The following GRTP1 variants were observed in gnomAD, a reference collection of about 807,000 sequenced individuals.
GRTP1 encodes the protein growth hormone regulated TBC protein 1.
Under a neutral mutation model 38.1 loss-of-function variants are expected in GRTP1, and 56 were observed. That is an observed-to-expected ratio of 1.47 (90% CI 1.19 to 1.84). The LOEUF (loss-of-function observed/expected upper bound fraction) is 1.84, where lower values mean the gene tolerates loss of function less well. GRTP1 is among the 40% of genes most tolerant of loss of function. The pLI is 0.00. For missense variants in GRTP1, 506 were observed against 453.9 expected, an observed-to-expected ratio of 1.11 and a Z score of -1.04; for synonymous variants, 217 against 189.5, an observed-to-expected ratio of 1.14 and a Z score of -1.19.
chr13:113,324,650 G>A, intron 7 of GRTP1, 73 bp from the exon 8 acceptor site: 1 of 1,526,924 alleles, frequency 6.5e-7, no homozygotes, highest in South Asian at 1.3e-5. Flanking sequence ...AGACTGGCAG[G>A]CAGGCAGACA....
At position 113,325,326 on chromosome 13, in the gene GRTP1, GTC is replaced by G. The variant is rs1457764028; in HGVS notation, c.921+333_921+334del. 3.6e-6 allele frequency: 5 copies of G among 1,395,370 alleles called. No homozygotes were observed. The South Asian group carries it at 7.0e-5, about 19-fold the overall frequency. The allele number at this position is 1,395,370 out of a possible 1,614,324, so 86.4% of individuals were successfully genotyped here. ...CCACAACGCCCTCATCAGGACCTGA[GTC>G]TATACGGCCTGCGCCAGGTCCAGGA... On this transcript the variant is annotated intron_variant, in intron 7 of 7. Coordinates refer to ENST00000375431, the MANE Select transcript of GRTP1 (RefSeq NM_024719.4).
chr13:113,339,676 T>C (rs1024705725), intron 5 of GRTP1: 1 of 152,242 alleles, frequency 6.6e-6, no homozygotes, highest in Non-Finnish European at 1.5e-5. Flanking sequence ...TTTTGTTCCA[T>C]TGGTCTGTTT....
At position 113,343,068 on chromosome 13, in the gene GRTP1, G is replaced by T. The variant is rs886751501; in HGVS notation, c.562+1795C>A. On this transcript the variant is annotated intron_variant, in intron 5 of 7. Coordinates refer to ENST00000375431, the MANE Select transcript of GRTP1 (RefSeq NM_024719.4). This position sits in a 1 kb window ranked among gnomAD's most constrained non-coding sequence, Gnocchi z 4.8. Reference sequence around the variant, plus strand: ...ACCGATGTTTCCCACACCCCTGAACGGCGCCCAGAACACGATAGGTTTTCA... The same window carrying T: ...ACCGATGTTTCCCACACCCCTGAACTGCGCCCAGAACACGATAGGTTTTCA... Among the ~76,000 whole-genome samples, 1 of 151,996 alleles carries T rather than the reference G, an allele frequency of 6.6e-6. No homozygotes were observed. The highest frequency in any genetic ancestry group is 2.4e-5 in the African/African-American group (1 of 41,380).
At chr13:113,336,059 T>G (rs1179224957) in intron 5 of GRTP1, among the ~76,000 whole-genome samples, 1 of 152,154 alleles carries the variant, frequency 6.6e-6, no homozygotes, top group Non-Finnish European at 1.5e-5. Flanking sequence ...CACAAAGTGC[T>G]GGGATTACAG....
rs764286581 is a variant in GRTP1 at position 113,325,767 on chromosome 13, T to G, written c.815A>C (p.Gln272Pro). Reference protein sequence around the residue: ...IFRVALTLIKQHQELILEATS... With the variant: ...IFRVALTLIKPHQELILEATS... ...GGCTTCCAAAATCAACTCCTGGTGC[T>G]GCTTAATTAAGGTCAGGGCCACCCG... Residue 272 changes from glutamine (Q) to proline (P), a missense_variant, in exon 7 of 8, where the codon CAG becomes CCG. By Grantham distance (76) the Gln-to-Pro change is moderately conservative (BLOSUM62 -1). Transcript: ENST00000375431. 6.2e-6 allele frequency: 10 copies of G among 1,614,068 alleles called. No homozygotes were observed. Among genetic ancestry groups the G allele is most frequent in the Non-Finnish European group, 8.5e-6 (10 of 1,180,036 alleles).
intron 3 of GRTP1, among the ~76,000 whole-genome samples, chr13:113,353,485 C>T (rs1025045343): frequency 2.6e-5 from 4 of 152,322 alleles, no homozygotes; most frequent in Non-Finnish European, 4.4e-5. Flanking sequence ...AGGACTGAGG[C>T]GAGGGAAAGG....
chr13:113,347,481 C>T lies in GRTP1; in HGVS notation c.466-2522G>A, dbSNP rs1483054813. On this transcript the variant is annotated intron_variant, in intron 4 of 7. Coordinates refer to ENST00000375431, the MANE Select transcript of GRTP1 (RefSeq NM_024719.4). ...GAGGATCTCTGTGGCCGAGAGCAGA[C>T]CTGGGAGGACCTCTGTGGCCGAGAG... Among the ~76,000 whole-genome samples, 82 of 53,952 alleles carry T rather than the reference C, an allele frequency of 1.5e-3. 5 individuals carry two copies. Among genetic ancestry groups the T allele is most frequent in the African/African-American group, 2.8e-3 (39 of 14,132 alleles). 35.4% of individuals were successfully genotyped at this position (53,952 alleles called of 152,430 possible).
chr13:113,353,637 A>G (rs1443055829), intron 3 of GRTP1, among the ~76,000 whole-genome samples: 1 of 151,430 alleles, frequency 6.6e-6, no homozygotes, highest in African/African-American at 2.4e-5. Flanking sequence ...GGGATGGCAC[A>G]GAGACAAGCG....
chr13:113,332,225 C>T (rs1034374862), intron 5 of GRTP1, among the ~76,000 whole-genome samples: 2 of 151,720 alleles, frequency 1.3e-5, no homozygotes, highest in Non-Finnish European at 2.9e-5. Flanking sequence ...CCTATCTGCA[C>T]GCACACCACA....
At chr13:113,337,649 G>A (rs1435324021) in intron 5 of GRTP1, among the ~76,000 whole-genome samples, 1 of 152,240 alleles carries the variant, frequency 6.6e-6, no homozygotes, top group Admixed American at 6.5e-5. Context: ...CAGGTCTGGT[G>A]AGCCTGGCCG....
At chr13:113,347,927 TGGG>T (rs1566433392) in intron 4 of GRTP1, among the ~76,000 whole-genome samples, 16 of 104,496 alleles carry the variant, frequency 1.5e-4, no homozygotes, top group South Asian at 7.1e-4. Flanking sequence ...AGAACGGACC[TGGG>T]AGGACCTCTG....
rs148522414 is a variant in GRTP1 at position 113,343,151 on chromosome 13, G to A, written c.562+1712C>T. Among the ~76,000 whole-genome samples, 605 of 152,274 alleles carry A rather than the reference G, an allele frequency of 4.0e-3. 3 individuals are homozygous for A. The highest frequency in any genetic ancestry group is 0.014 in the African/African-American group (580 of 41,546). On this transcript the variant is annotated intron_variant, in intron 5 of 7. Transcript: ENST00000375431. This position sits in a 1 kb window ranked among gnomAD's most constrained non-coding sequence, Gnocchi z 4.8. ...CGGCTGTGAAGATTCGCCATGATTT[G>A]CACTCAGACATAACCGAAGCAGGCT...
intron 2 of GRTP1, among the ~76,000 whole-genome samples, chr13:113,358,418 A>G (rs1441890523): frequency 6.6e-6 from 1 of 152,232 alleles, no homozygotes; most frequent in Non-Finnish European, 1.5e-5. Context: ...ACAGATTCCT[A>G]TATGCACCTC....
intron 2 of GRTP1, among the ~76,000 whole-genome samples, chr13:113,362,293 G>A (rs1366117549): frequency 2.0e-5 from 3 of 152,170 alleles, no homozygotes; most frequent in African/African-American, 7.2e-5. Flanking sequence ...TCGCACCACT[G>A]CACTCCAGCC....
intron 5 of GRTP1, among the ~76,000 whole-genome samples, chr13:113,344,580 GCACA>G (rs2043070900): frequency 6.6e-6 from 1 of 151,920 alleles, no homozygotes; most frequent in African/African-American, 2.4e-5. Context: ...GGGTGTGGTG[GCACA>G]CACCTACAAT....
chr13:113,333,838 A>ATTTATTTAGT (rs749095615), intron 5 of GRTP1, among the ~76,000 whole-genome samples: 177 of 23,570 alleles, frequency 7.5e-3, no homozygotes, highest in African/African-American at 0.011. Context: ...TTATTTATTT[A>ATTTATTTAGT]GTGTGTGTGT....
chr13:113,326,034 A>G lies in GRTP1; in HGVS notation c.620T>C (p.Leu207Pro). 2 of 1,612,758 alleles carry G rather than the reference A, an allele frequency of 1.2e-6. No homozygotes were observed. Among genetic ancestry groups the G allele is most frequent in the Non-Finnish European group, 1.7e-6 (2 of 1,179,814 alleles). The change falls in exon 6 of 8, where the codon CTG (leucine) becomes CCG (proline). Residue 207 changes from leucine (L) to proline (P), a missense_variant. Transcript: ENST00000375431. ...LKTDQEVLGE[L>P]VRAKLPAVGA... Reference sequence around the variant, plus strand: ...CACAGCCGGCAGCTTCGCCCGCACCAGCTCCCCGAGGACCTCCTGGTCGGT... The same window carrying G: ...CACAGCCGGCAGCTTCGCCCGCACCGGCTCCCCGAGGACCTCCTGGTCGGT...
intron 1 of GRTP1, 50 bp from the exon 2 acceptor site, chr13:113,363,960 G>C (rs773355530): frequency 3.8e-6 from 6 of 1,576,666 alleles, no homozygotes; most frequent in Non-Finnish European, 5.2e-6. Flanking sequence ...TCCTCTGGGG[G>C]GTCGCGGGCC....
intron 2 of GRTP1, among the ~76,000 whole-genome samples, chr13:113,355,987 A>T (rs1447040052): frequency 6.6e-6 from 1 of 152,194 alleles, no homozygotes; most frequent in Admixed American, 6.5e-5. Context: ...GGGATATTTT[A>T]ATTGACAATA....
Sources: allele counts gnomAD v4.1 joint callset (sites outside exome capture counted in the v4.1 genomes callset), GRCh38; gene constraint gnomAD v4.1.1; non-coding constraint Gnocchi (gnomAD v3.1); transcripts MANE v1.5; gene names NCBI Gene and HGNC (gene_info 2026-07-23, HGNC 2026-07-21).